The following PPP1R1C variants were observed in gnomAD, a reference collection of about 807,000 sequenced individuals.
PPP1R1C encodes the protein protein phosphatase 1 regulatory subunit 1C.
In PPP1R1C, 15 loss-of-function variants were observed where a neutral mutation model predicts 17.4. The observed-to-expected ratio is 0.86, with a 90% CI of 0.58 to 1.33. The LOEUF (loss-of-function observed/expected upper bound fraction) is 1.33. PPP1R1C is among the 40% of genes most tolerant of loss of function. The pLI is 0.00. For synonymous variants in PPP1R1C, 35 were observed against 43.1 expected, an observed-to-expected ratio of 0.81 and a Z score of 0.73; for missense variants, 143 against 130.0, an observed-to-expected ratio of 1.10 and a Z score of -0.48.
chr2:181,992,646 G>T (rs1685503286), intron 2 of PPP1R1C, among the ~76,000 whole-genome samples: 1 of 134,780 alleles, frequency 7.4e-6, no homozygotes, highest in African/African-American at 2.8e-5. Flanking sequence ...TCATTTAAAA[G>T]CTCACTGTAC....
Position 182,076,197 on chromosome 2 carries a change from C to CTTTTTTTTTTTTTTTTTTTTTTTTT in PPP1R1C, c.241+12423_241+12447dup, listed in dbSNP as rs1165789924. Among the ~76,000 whole-genome samples the CTTTTTTTTTTTTTTTTTTTTTTTTT allele has an allele frequency of 2.0e-3, 52 of 25,864 alleles. 18 individuals carry two copies. The highest frequency in any genetic ancestry group is 3.0e-3 in the East Asian group (2 of 676). The allele number at this position is 25,864 out of a possible 152,430, so 17.0% of individuals were successfully genotyped here. A position where few individuals can be genotyped will look rare whatever the true frequency, so the allele number is the denominator to read the frequency against. On this transcript the variant is annotated intron_variant, in intron 4 of 4. Coordinates refer to ENST00000682840, the MANE Select transcript of PPP1R1C (RefSeq NM_001080545.3). ...GATTTTGAACTTTTTTTTTTCTTTT[C>CTTTTTTTTTTTTTTTTTTTTTTTTT]TTTTTTTTTTTTTTTTTTTTTTTTT...
chr2:182,127,734 AC>A (rs1336167080), intron 5 of PPP1R1C, among the ~76,000 whole-genome samples: 3 of 152,070 alleles, frequency 2.0e-5, no homozygotes, highest in African/African-American at 7.2e-5. Context: ...AATATTTTTA[AC>A]CAGGTGCCTT....
chr2:182,077,593 A>G (rs913148054), intron 4 of PPP1R1C, among the ~76,000 whole-genome samples: 7 of 152,220 alleles, frequency 4.6e-5, no homozygotes, highest in African/African-American at 9.6e-5. Flanking sequence ...TAATTACTCA[A>G]TAGACCAGAG....
chr2:182,055,078 T>C (rs868061412), intron 2 of PPP1R1C, among the ~76,000 whole-genome samples: 62 of 126,750 alleles, frequency 4.9e-4, no homozygotes, highest in African/African-American at 2.3e-3. Context: ...TAGTTTCTGG[T>C]TTTTTTTTTA....
chr2:182,110,433 T>G (rs941271775), intron 4 of PPP1R1C, among the ~76,000 whole-genome samples: 1 of 152,190 alleles, frequency 6.6e-6, no homozygotes, highest in African/African-American at 2.4e-5. Context: ...TCTCCTTGTA[T>G]GCTAGCTCTG....
At chr2:182,091,065 G>A (rs978020735) in intron 4 of PPP1R1C, among the ~76,000 whole-genome samples, 2 of 152,146 alleles carry the variant, frequency 1.3e-5, no homozygotes, top group African/African-American at 4.8e-5. Context: ...TATAGTGCCT[G>A]TATTGATGAA....
chr2:182,033,592 G>C (rs946522876), intron 2 of PPP1R1C, among the ~76,000 whole-genome samples: 1 of 151,954 alleles, frequency 6.6e-6, no homozygotes, highest in Non-Finnish European at 1.5e-5. Flanking sequence ...TCTCCCTTAT[G>C]ACCACTGCTT....
chr2:181,968,655 T>C (rs1370615905), intron 1 of PPP1R1C, among the ~76,000 whole-genome samples: 2 of 152,174 alleles, frequency 1.3e-5, no homozygotes, highest in African/African-American at 4.8e-5. Flanking sequence ...TCAGCCACTC[T>C]ATGGCTTTTG....
intron 5 of PPP1R1C, among the ~76,000 whole-genome samples, chr2:182,123,921 C>T (rs1351263960): frequency 1.3e-5 from 2 of 152,190 alleles, no homozygotes; most frequent in Admixed American, 6.5e-5. Context: ...CTCATGAAAA[C>T]TTTGCCCATC....
intron 2 of PPP1R1C, among the ~76,000 whole-genome samples, chr2:182,028,504 C>G (rs1433397007): frequency 2.0e-5 from 3 of 152,166 alleles, no homozygotes; most frequent in Admixed American, 6.5e-5. Context: ...TCTTCAGTTT[C>G]CATGTAGTTG....
chr2:182,092,144 G>A (rs1688800506), intron 4 of PPP1R1C, among the ~76,000 whole-genome samples: 1 of 152,134 alleles, frequency 6.6e-6, no homozygotes, highest in Non-Finnish European at 1.5e-5. Context: ...CCTGAGACCA[G>A]GCAATTTACA....
At chr2:182,017,244 T>C (rs1041425177) in intron 2 of PPP1R1C, among the ~76,000 whole-genome samples, 1 of 152,118 alleles carries the variant, frequency 6.6e-6, no homozygotes, top group African/African-American at 2.4e-5. Context: ...CTCATATATG[T>C]ATGTATATAT....
intron 4 of PPP1R1C, among the ~76,000 whole-genome samples, chr2:182,113,475 C>T (rs536503371): frequency 6.6e-6 from 1 of 152,218 alleles, no homozygotes; most frequent in East Asian, 1.9e-4. Flanking sequence ...CAGATGAGAA[C>T]TAGGCAGCAT....
chr2:182,089,195 C>T (rs1165011737), intron 4 of PPP1R1C, among the ~76,000 whole-genome samples: 1 of 152,186 alleles, frequency 6.6e-6, no homozygotes, highest in Non-Finnish European at 1.5e-5. Context: ...TAGATCCCAG[C>T]TGTTTGGATC....
intron 4 of PPP1R1C, among the ~76,000 whole-genome samples, chr2:182,088,271 T>C (rs1032449039): frequency 2.6e-5 from 4 of 152,216 alleles, no homozygotes; most frequent in African/African-American, 7.2e-5. Context: ...GCAAATCTTA[T>C]AACAATTCTC....
chr2:181,982,322 T>C (rs879394258), upstream of PPP1R1C, among the ~76,000 whole-genome samples: 47 of 152,304 alleles, frequency 3.1e-4, no homozygotes, highest in Non-Finnish European at 5.7e-4. Flanking sequence ...CAGCAAGGTG[T>C]AGGGCTTGAA....
upstream of PPP1R1C, among the ~76,000 whole-genome samples, chr2:181,984,057 G>C (rs1685244315): frequency 6.6e-6 from 1 of 152,192 alleles, no homozygotes; most frequent in Non-Finnish European, 1.5e-5. Context: ...ATTATTCTAA[G>C]TGGAATCAAA....
chr2:182,049,714 A>G (rs1687453366), intron 2 of PPP1R1C, among the ~76,000 whole-genome samples: 1 of 152,142 alleles, frequency 6.6e-6, no homozygotes. Flanking sequence ...TCCCAATTTT[A>G]GTTTTAATAC....
chr2:182,050,076 G>C lies in PPP1R1C; in HGVS notation c.143-11366G>C, dbSNP rs112922824. On this transcript the variant is annotated intron_variant, in intron 2 of 4. Transcript: ENST00000682840. ...TTTCTTTGCTTTGTCAGGTCTTGCT[G>C]TCTTTTATAATTTATCCTATTTTTA... Among the ~76,000 whole-genome samples, 9 of 152,290 alleles carry C rather than the reference G, an allele frequency of 5.9e-5. 3 individuals carry two copies. The highest frequency in any genetic ancestry group is 2.2e-4 in the African/African-American group (9 of 41,576).
Sources: allele counts gnomAD v4.1 joint callset (sites outside exome capture counted in the v4.1 genomes callset), GRCh38; gene constraint gnomAD v4.1.1; transcripts MANE v1.5; gene names NCBI Gene and HGNC (gene_info 2026-07-23, HGNC 2026-07-21).